Variants in LINGO2 observed in about 807,000 individuals in gnomAD.
LINGO2 encodes the protein leucine rich repeat and Ig domain containing 2.
Under a neutral mutation model 30.6 loss-of-function variants are expected in LINGO2, and 14 were observed. That is an observed-to-expected ratio of 0.46 (90% CI 0.30 to 0.72). LINGO2 has a LOEUF of 0.72. Ranked by LOEUF, LINGO2 falls within the 30% of genes least tolerant of loss-of-function variation. The pLI is 0.07. For missense variants in LINGO2, 729 were observed against 751.7 expected, an observed-to-expected ratio of 0.97 and a Z score of 0.35; for synonymous variants, 317 against 288.5, an observed-to-expected ratio of 1.10 and a Z score of -1.00.
At chr9:28,137,683 ATTC>A (rs1827557565) in intron 4 of LINGO2, among the ~76,000 whole-genome samples, 1 of 152,134 alleles carries the variant, frequency 6.6e-6, no homozygotes, top group African/African-American at 2.4e-5. Context: ...AGTCTGATGT[ATTC>A]TTATGATAAA....
chr9:28,647,817 T>C (rs1487494785), intron 1 of LINGO2, among the ~76,000 whole-genome samples: 1 of 151,934 alleles, frequency 6.6e-6, no homozygotes, highest in Non-Finnish European at 1.5e-5. Flanking sequence ...TATTCTCTAT[T>C]TAACTTTTAT....
chr9:28,077,020 C>A (rs2133199971), intron 4 of LINGO2, among the ~76,000 whole-genome samples: 1 of 152,124 alleles, frequency 6.6e-6, no homozygotes, highest in South Asian at 2.1e-4. Context: ...AGTAGGGGTA[C>A]TTTTTACCAA....
At chr9:28,877,927 T>C in the LINGO2 span, among the ~76,000 whole-genome samples, 201 of 152,132 alleles carry the variant, frequency 1.3e-3, 1 homozygote, top group Non-Finnish European at 2.2e-3. Context: ...TTTTATTTCA[T>C]TGAGCAGTGG....
At chr9:29,000,420 A>C in the LINGO2 span, among the ~76,000 whole-genome samples, 1 of 152,066 alleles carries the variant, frequency 6.6e-6, no homozygotes, top group African/African-American at 2.4e-5. Context: ...TGGAAAACAT[A>C]GCCCTTATAC....
At chr9:28,532,133 A>G (rs1821257751) in intron 1 of LINGO2, among the ~76,000 whole-genome samples, 2 of 152,156 alleles carry the variant, frequency 1.3e-5, no homozygotes, top group South Asian at 4.1e-4. Context: ...TTATACAAAC[A>G]GAAGCCATTA....
intron 3 of LINGO2, among the ~76,000 whole-genome samples, chr9:28,370,676 G>C (rs948647328): frequency 6.6e-6 from 1 of 152,024 alleles, no homozygotes; most frequent in Non-Finnish European, 1.5e-5. Flanking sequence ...CCAACAGATT[G>C]GTATGAAATG....
At chr9:28,553,968 A>C (rs992771762) in intron 1 of LINGO2, among the ~76,000 whole-genome samples, 1 of 152,078 alleles carries the variant, frequency 6.6e-6, no homozygotes, top group Non-Finnish European at 1.5e-5. Flanking sequence ...TGTCACCACC[A>C]GGCCTGCCCT....
At chr9:28,809,656 G>T in the LINGO2 span, among the ~76,000 whole-genome samples, 1 of 147,634 alleles carries the variant, frequency 6.8e-6, no homozygotes, top group African/African-American at 2.5e-5. Context: ...TGAGGCAGGA[G>T]AATTGCTTGA....
At chr9:27,948,953 G>C (rs950632130) in exon 6 of LINGO2, 55 of 1,613,942 alleles carry the variant, frequency 3.4e-5, no homozygotes, top group Non-Finnish European at 4.4e-5. Context: ...TGCTGTTTTT[G>C]TGCTTGCCTT....
chr9:28,808,458 T>C, the LINGO2 span, among the ~76,000 whole-genome samples: 5 of 152,224 alleles, frequency 3.3e-5, no homozygotes, highest in Non-Finnish European at 4.4e-5. Context: ...GTAAATTATC[T>C]GCATGCATTC....
chr9:28,988,783 C>T, the LINGO2 span, among the ~76,000 whole-genome samples: 5 of 152,204 alleles, frequency 3.3e-5, no homozygotes, highest in Admixed American at 3.3e-4. Context: ...ATCGTGCCTA[C>T]CTGGGGGAGT....
chr9:28,202,513 G>A (rs1820272317), intron 4 of LINGO2, among the ~76,000 whole-genome samples: 2 of 152,196 alleles, frequency 1.3e-5, no homozygotes, highest in South Asian at 4.1e-4. Context: ...AGTTTTTAGG[G>A]TGACAATTCT....
At chr9:27,949,147 G>T in exon 6 of LINGO2, 8 of 1,614,124 alleles carry the variant, frequency 5.0e-6, no homozygotes, top group Non-Finnish European at 6.8e-6. Context: ...TTCGCATAAA[G>T]AAAACGATCT....
the LINGO2 span, among the ~76,000 whole-genome samples, chr9:29,170,012 C>A: frequency 6.6e-6 from 1 of 151,364 alleles, no homozygotes; most frequent in Non-Finnish European, 1.5e-5. Flanking sequence ...AAACAAAAAA[C>A]AACAACAACA....
rs550177169 is a variant in LINGO2 at position 28,541,188 on chromosome 9, C to T, written c.-364-65163G>A. On this transcript the variant is annotated intron_variant, in intron 1 of 5. Transcript: ENST00000379992. Reference sequence around the variant, plus strand: ...AGTATTTCCCAACAGAAAACCATTTCATTCTATGTTTAAGATAATATCCAG... The same window carrying T: ...AGTATTTCCCAACAGAAAACCATTTTATTCTATGTTTAAGATAATATCCAG... Among the ~76,000 whole-genome samples the T allele has an allele frequency of 9.9e-5, 15 of 152,208 alleles. 1 individual carries two copies. The South Asian group carries it at 3.1e-3, about 32-fold the overall frequency.
the LINGO2 span, among the ~76,000 whole-genome samples, chr9:29,019,447 C>T: frequency 6.6e-6 from 1 of 152,174 alleles, no homozygotes; most frequent in East Asian, 1.9e-4. Context: ...TTATACCCCC[C>T]ATTTGTGCAT....
chr9:28,391,389 A>G (rs1251947766), intron 2 of LINGO2, among the ~76,000 whole-genome samples: 2 of 152,164 alleles, frequency 1.3e-5, no homozygotes, highest in Non-Finnish European at 2.9e-5. Context: ...TCACCTTATT[A>G]CTTATAAACT....
chr9:29,143,089 G>A, the LINGO2 span, among the ~76,000 whole-genome samples: 1 of 151,944 alleles, frequency 6.6e-6, no homozygotes, highest in Non-Finnish European at 1.5e-5. Flanking sequence ...CTTAACCAAG[G>A]AATGTAAAGA....
intron 1 of LINGO2, among the ~76,000 whole-genome samples, chr9:28,611,356 T>G (rs1825907239): frequency 6.6e-6 from 1 of 151,968 alleles, no homozygotes. Context: ...CATTTGTGTG[T>G]GTGTGTGTGT....
Sources: gnomAD v4.1 joint callset for allele counts (sites outside exome capture counted in the v4.1 genomes callset) on GRCh38, gnomAD v4.1.1 for gene constraint, MANE v1.5 for transcripts, NCBI Gene and HGNC (gene_info 2026-07-23, HGNC 2026-07-21) for gene names.